Variants in MAP1B observed in about 807,000 individuals in gnomAD.
MAP1B encodes microtubule associated protein 1B.
A neutral mutation model predicts 176.1 loss-of-function variants in MAP1B; 12 were observed. That is an observed-to-expected ratio of 0.07 (90% CI 0.04 to 0.11). The LOEUF is 0.11. MAP1B is among the 10% of genes least tolerant of loss of function. The pLI is 1.00. For missense variants in MAP1B, 2,523 were observed against 2,990.5 expected, an observed-to-expected ratio of 0.84 and a Z score of 3.65; for synonymous variants, 1,044 against 1,135.0, an observed-to-expected ratio of 0.92 and a Z score of 1.61.
intron 2 of MAP1B, among the ~76,000 whole-genome samples, chr5:72,124,891 G>A (rs945162205): frequency 6.6e-6 from 1 of 152,184 alleles, no homozygotes; most frequent in Non-Finnish European, 1.5e-5. Flanking sequence ...CATAGATGTG[G>A]CTTTTTGGAT....
rs575621425 is a variant in MAP1B, at chr5:72,181,764, G to A, written c.287-1979G>A. On this transcript the variant is annotated intron_variant, in intron 2 of 6. Transcript: ENST00000296755. Reference sequence around the variant, plus strand: ...TGAGACGGAGTCTCGCACTGTTGTCGGGGCTGGAGTGCAATAGTGCAATCT... The same window carrying A: ...TGAGACGGAGTCTCGCACTGTTGTCAGGGCTGGAGTGCAATAGTGCAATCT... Among the ~76,000 whole-genome samples, 20 of 145,328 alleles carry A rather than the reference G, an allele frequency of 1.4e-4. No individual in the cohort carries two copies. The South Asian group carries it at 3.4e-3, about 25-fold the overall frequency.
rs528564222 is a variant in MAP1B at position 72,127,983 on chromosome 5, G to A, written c.286+12184G>A. On this transcript the variant is annotated intron_variant, in intron 2 of 6. Transcript: ENST00000296755. ...TGTTGTTTCTTCTCCCACCCAAATAGAATAATATCTTCAAAGACAGTCTTT... is the reference window on the plus strand; with the variant it reads ...TGTTGTTTCTTCTCCCACCCAAATAAAATAATATCTTCAAAGACAGTCTTT... Among the ~76,000 whole-genome samples, 22 of 152,192 alleles carry A rather than the reference G, an allele frequency of 1.4e-4. No homozygotes were observed. In the East Asian group the frequency reaches 4.1e-3, roughly 28 times the overall value.
intron 6 of MAP1B, 125 bp downstream of exon 6, chr5:72,203,926 T>G: frequency 1.4e-6 from 1 of 733,662 alleles, no homozygotes; most frequent in Non-Finnish European, 2.3e-6. Context: ...GCCTCCTGTG[T>G]CTGTCACACA....
chr5:72,197,054 C>A lies in MAP1B; in HGVS notation c.3699C>A (p.Ala1233=). ...LRDAYCSEVK[A]STTLDIKDSI... is the part of the protein sequence containing the mutation. ...ATGCTTACTGCTCTGAAGTGAAAGC[C>A]AGCACCACTTTGGACATCAAAGATA... Residue 1233 remains alanine (A), a synonymous_variant, in exon 5 of 7, where the codon GCC becomes GCA. Transcript: ENST00000296755. 6.2e-7 allele frequency: 1 copy of A among 1,614,174 alleles called. No homozygotes were observed. The highest frequency in any genetic ancestry group is 8.5e-7 in the Non-Finnish European group (1 of 1,180,020).
chr5:72,159,744 A>C (rs1746294552), intron 2 of MAP1B, among the ~76,000 whole-genome samples: 1 of 152,236 alleles, frequency 6.6e-6, no homozygotes, highest in Non-Finnish European at 1.5e-5. Flanking sequence ...AATTCAGTGA[A>C]GATTTCAGAG....
intron 2 of MAP1B, among the ~76,000 whole-genome samples, chr5:72,117,348 C>T (rs1432666220): frequency 6.6e-6 from 1 of 152,128 alleles, no homozygotes; most frequent in East Asian, 1.9e-4. Context: ...AATGTAAAAA[C>T]TACAAGCTTT....
intron 4 of MAP1B, among the ~76,000 whole-genome samples, chr5:72,189,627 C>G (rs1746983478): frequency 6.6e-6 from 1 of 151,686 alleles, no homozygotes; most frequent in Admixed American, 6.6e-5. Flanking sequence ...GCTAGGAGTT[C>G]TAGGTTGCAC....
At chr5:72,154,323 A>G (rs1177070086) in intron 2 of MAP1B, among the ~76,000 whole-genome samples, 1 of 152,154 alleles carries the variant, frequency 6.6e-6, no homozygotes, top group East Asian at 1.9e-4. Flanking sequence ...TTTCCTCCAA[A>G]TGGATATCGG....
intron 2 of MAP1B, among the ~76,000 whole-genome samples, chr5:72,178,078 C>T (rs139099736): frequency 0.015 from 2,263 of 152,318 alleles, 54 homozygotes; most frequent in African/African-American, 0.051. Context: ...TCTCAGCTCA[C>T]TGCAACCTCT....
intron 2 of MAP1B, among the ~76,000 whole-genome samples, chr5:72,133,385 T>C (rs1745773052): frequency 6.6e-6 from 1 of 152,176 alleles, no homozygotes. Flanking sequence ...GAAAAGGAGG[T>C]ATCTGATACC....
At chr5:72,113,076 A>G (rs1745372626) in intron 1 of MAP1B, among the ~76,000 whole-genome samples, 1 of 152,222 alleles carries the variant, frequency 6.6e-6, no homozygotes, top group Non-Finnish European at 1.5e-5. Flanking sequence ...GGGGAACTAC[A>G]TAAACCTACT....
intron 2 of MAP1B, among the ~76,000 whole-genome samples, chr5:72,162,536 C>T (rs1392228495): frequency 6.6e-6 from 1 of 152,104 alleles, no homozygotes; most frequent in Non-Finnish European, 1.5e-5. Flanking sequence ...AAAAAGCTTA[C>T]TACCTGCTCC....
intron 2 of MAP1B, among the ~76,000 whole-genome samples, chr5:72,177,618 A>G (rs546965424): frequency 4.6e-5 from 7 of 152,292 alleles, no homozygotes; most frequent in African/African-American, 9.6e-5. Context: ...TTCTCTTCAA[A>G]TCAACCACAC....
In MAP1B at chr5:72,205,481, A is replaced by C. The variant is rs1385954139; in HGVS notation, c.*242A>C. ...CCTGCAAAATTACCTACCCCAGTTC[A>C]TCTCTGCTGAACATTTGGAAACCAT... On this transcript the variant is annotated 3_prime_UTR_variant, in exon 7 of 7. Coordinates refer to ENST00000296755, the MANE Select transcript of MAP1B (RefSeq NM_005909.5). The C allele has an allele frequency of 2.3e-6, 1 of 438,116 alleles. No individual in the cohort carries two copies. The highest frequency in any genetic ancestry group is 4.1e-6 in the Non-Finnish European group (1 of 243,014). 27.1% of individuals were successfully genotyped at this position (438,116 alleles called of 1,614,324 possible).
intron 2 of MAP1B, chr5:72,179,951 A>G: frequency 1.0e-6 from 1 of 984,876 alleles, no homozygotes; most frequent in Non-Finnish European, 1.2e-6. Flanking sequence ...TTTGCAACTG[A>G]TGAAGCCAAA....
chr5:72,191,084 G>A (rs545237111), intron 4 of MAP1B, among the ~76,000 whole-genome samples: 4 of 152,190 alleles, frequency 2.6e-5, no homozygotes, highest in East Asian at 1.9e-4. Flanking sequence ...CACTCAGTGT[G>A]GTTACATCTG....
In MAP1B at chr5:72,197,376, A is replaced by G; in HGVS notation, c.4021A>G (p.Thr1341Ala). The G allele has an allele frequency of 6.2e-7, 1 of 1,614,154 alleles. No individual in the cohort carries two copies. Among genetic ancestry groups the G allele is most frequent in the Non-Finnish European group, 8.5e-7 (1 of 1,180,028 alleles). ...AGHTPYYQSP[T>A]DEKSSHLPTE... ...TCACACACCTTACTATCAATCTCCT[A>G]CTGACGAGAAATCCAGTCATCTCCC... The change falls in exon 5 of 7, where the codon ACT becomes GCT. Residue 1341 changes from threonine (T) to alanine (A), a missense_variant. Physicochemically the swap from Thr to Ala is moderately conservative, Grantham distance 58 (BLOSUM62 0). Around this residue, in one of 4 missense-constraint regions of MAP1B, gnomAD observed 1,925 missense variants for 2,126.0 expected, o/e 0.91. Transcript: ENST00000296755.
At chr5:72,135,012 C>T (rs780729627) in intron 2 of MAP1B, among the ~76,000 whole-genome samples, 4 of 150,624 alleles carry the variant, frequency 2.7e-5, no homozygotes, top group Non-Finnish European at 5.9e-5. Flanking sequence ...TGCTTTGAGC[C>T]CAGAGCTGAG....
At chr5:72,125,499 A>C (rs928034861) in intron 2 of MAP1B, among the ~76,000 whole-genome samples, 2 of 152,236 alleles carry the variant, frequency 1.3e-5, no homozygotes, top group Non-Finnish European at 2.9e-5. Flanking sequence ...AGCAAGGCAC[A>C]GTTCAGTTCC....
Sources: allele counts gnomAD v4.1 joint callset (sites outside exome capture counted in the v4.1 genomes callset), GRCh38; gene constraint gnomAD v4.1.1; regional missense constraint gnomAD v4.1.1; transcripts MANE v1.5; gene names NCBI Gene and HGNC (gene_info 2026-07-23, HGNC 2026-07-21).